CERT1: variants seen among roughly 807,000 people sequenced by gnomAD.
CERT1 encodes the protein ceramide transporter 1.
Under a neutral mutation model 87.9 loss-of-function variants are expected in CERT1, and 31 were observed. That is an observed-to-expected ratio of 0.35 (90% CI 0.27 to 0.48). The LOEUF is 0.48. Among genes scored for constraint, CERT1 ranks in the 20% least tolerant of loss-of-function variants. The pLI, the probability that CERT1 is intolerant of heterozygous loss-of-function variation, is 0.99. For missense variants in CERT1, 487 were observed against 758.0 expected (o/e 0.64, Z 4.20); for synonymous variants, 289 against 250.9 (o/e 1.15, Z -1.44).
rs1432576806 is a variant in CERT1, at chr5:75,409,701, A to G, written c.930+1310T>C. 2.6e-5 allele frequency among the ~76,000 whole-genome samples: 4 copies of G among 151,588 alleles called. No homozygotes were observed. The South Asian group carries it at 6.3e-4, about 24-fold the overall frequency. ...ACAACCACGCCCGGCTAATTTTTGCATTTTTTTAGTAGAGACGGGGTTTCA... is the reference window on the plus strand; with the variant it reads ...ACAACCACGCCCGGCTAATTTTTGCGTTTTTTTAGTAGAGACGGGGTTTCA... On this transcript the variant is annotated intron_variant, in intron 8 of 16. Transcript: ENST00000643780.
At chr5:75,401,463 G>C (rs771921405) in intron 9 of CERT1, 6 of 152,132 alleles carry the variant, frequency 3.9e-5, no homozygotes, top group Non-Finnish European at 8.8e-5. Context: ...GTAAAACTAA[G>C]AGTAAGACTG....
intron 3 of CERT1, among the ~76,000 whole-genome samples, chr5:75,439,957 AAGAACAT>A (rs781265859): frequency 3.5e-4 from 54 of 152,196 alleles, no homozygotes; most frequent in Non-Finnish European, 6.0e-4. Flanking sequence ...AAAACCCCAC[AAGAACAT>A]GAGTGAGAAA....
At chr5:75,379,556 T>G (rs1343641500) in intron 16 of CERT1, 83 bp from the exon 17 acceptor site, 1 of 1,285,726 alleles carries the variant, frequency 7.8e-7, no homozygotes, top group Non-Finnish European at 1.1e-6. Context: ...CCCTTGTTTT[T>G]AAAATATTCC....
intron 2 of CERT1, among the ~76,000 whole-genome samples, chr5:75,495,070 A>G (rs1766993861): frequency 6.6e-6 from 1 of 152,244 alleles, no homozygotes; most frequent in Non-Finnish European, 1.5e-5. Flanking sequence ...TCTAGATAAG[A>G]TTCAACTGGT....
In CERT1 at chr5:75,511,360, C is replaced by T. The variant is rs1767984353; in HGVS notation, c.-153G>A. 28 of 1,545,948 alleles carry T rather than the reference C, an allele frequency of 1.8e-5. No individual in the cohort carries two copies. The highest frequency in any genetic ancestry group is 2.4e-5 in the Non-Finnish European group (27 of 1,146,098). The stretch of plus-strand genomic sequence containing the variant: ...AGCAGGAGGAGGGACGAAGTCCGCC[C>T]GCCGCGCCGCCGCCGCGCCTGACAC... On this transcript the variant is annotated 5_prime_UTR_variant, in exon 1 of 17. Coordinates refer to ENST00000643780, the MANE Select transcript of CERT1 (RefSeq NM_001379029.1).
At chr5:75,385,707 T>C (rs920271804) in intron 13 of CERT1, among the ~76,000 whole-genome samples, 195 bp downstream of exon 13, 3 of 152,362 alleles carry the variant, frequency 2.0e-5, no homozygotes, top group South Asian at 4.1e-4. Flanking sequence ...CTGAGGTTAT[T>C]GGATCAAATT....
At chr5:75,374,478 A>C (rs184801574), downstream of CERT1, 1,579 of 721,878 alleles carry the variant, frequency 2.2e-3, 32 homozygotes, top group South Asian at 0.021. Flanking sequence ...AAAGAAAAGA[A>C]GGAACAATGG....
At chr5:75,494,581 T>G (rs1766968877) in intron 2 of CERT1, among the ~76,000 whole-genome samples, 1 of 152,222 alleles carries the variant, frequency 6.6e-6, no homozygotes, top group Non-Finnish European at 1.5e-5. Flanking sequence ...GATTGTTTCT[T>G]AAATTGACAT....
intron 3 of CERT1, among the ~76,000 whole-genome samples, chr5:75,439,567 T>C (rs2112239224): frequency 6.6e-6 from 1 of 152,160 alleles, no homozygotes; most frequent in East Asian, 1.9e-4. Flanking sequence ...CTCTCCATTT[T>C]AATTATGGAA....
chr5:75,502,044 G>C (rs950782218), intron 2 of CERT1, among the ~76,000 whole-genome samples: 2 of 152,058 alleles, frequency 1.3e-5, no homozygotes, highest in Admixed American at 6.6e-5. Context: ...AAACAGACAA[G>C]TGACAATGTG....
At chr5:75,432,517 A>G (rs1314974788) in intron 3 of CERT1, among the ~76,000 whole-genome samples, 1 of 152,198 alleles carries the variant, frequency 6.6e-6, no homozygotes, top group Non-Finnish European at 1.5e-5. Flanking sequence ...GTCTTTTGAG[A>G]AGTGTCTGTT....
At chr5:75,398,409 AGCTAAATCATAAAAAT>A (rs1305526505) in intron 11 of CERT1, among the ~76,000 whole-genome samples, 1 of 152,194 alleles carries the variant, frequency 6.6e-6, no homozygotes, top group Non-Finnish European at 1.5e-5. Flanking sequence ...GTCAGGTTCT[AGCTAAATCATAAAAAT>A]GAAGCACAAA....
chr5:75,447,716 C>A (rs1764611349), intron 3 of CERT1, among the ~76,000 whole-genome samples: 1 of 152,112 alleles, frequency 6.6e-6, no homozygotes, highest in Middle Eastern at 3.4e-3. Context: ...CCTCGTGATC[C>A]ACCCACCTCA....
intron 3 of CERT1, among the ~76,000 whole-genome samples, chr5:75,441,096 C>G (rs1390967441): frequency 1.3e-5 from 2 of 152,130 alleles, no homozygotes; most frequent in South Asian, 2.1e-4. Context: ...CAGTCATGCA[C>G]TGCATAATGT....
chr5:75,387,801 A>G (rs1761860012), intron 12 of CERT1, among the ~76,000 whole-genome samples: 1 of 152,156 alleles, frequency 6.6e-6, no homozygotes. Context: ...ACTGTTGTAG[A>G]CAATTGTTAT....
intron 3 of CERT1, among the ~76,000 whole-genome samples, chr5:75,453,674 G>GA (rs1282609892): frequency 6.6e-6 from 1 of 151,772 alleles, no homozygotes; most frequent in Non-Finnish European, 1.5e-5. Flanking sequence ...TGAAAGTGAG[G>GA]AAAAAAATGA....
chr5:75,482,460 G>A (rs111660817), intron 2 of CERT1, among the ~76,000 whole-genome samples: 1 of 152,200 alleles, frequency 6.6e-6, no homozygotes, highest in Non-Finnish European at 1.5e-5. Context: ...CCACCCTAAA[G>A]GGAAGGACAT....
intron 16 of CERT1, among the ~76,000 whole-genome samples, chr5:75,379,915 C>A (rs545278602): frequency 1.3e-5 from 2 of 152,248 alleles, no homozygotes; most frequent in South Asian, 4.1e-4. Context: ...CCCAACCCTT[C>A]ATTCCTTAAC....
chr5:75,497,539 C>G (rs1767132012), intron 2 of CERT1, among the ~76,000 whole-genome samples: 1 of 151,894 alleles, frequency 6.6e-6, no homozygotes, highest in Admixed American at 6.6e-5. Flanking sequence ...TCCCATAATC[C>G]CCATGTGCTG....
Sources: gnomAD v4.1 joint callset for allele counts (sites outside exome capture counted in the v4.1 genomes callset) on GRCh38, gnomAD v4.1.1 for gene constraint, MANE v1.5 for transcripts, NCBI Gene and HGNC (gene_info 2026-07-23, HGNC 2026-07-21) for gene names.